The following CACNA1C variants were observed in gnomAD, a reference collection of about 807,000 sequenced individuals.
The protein encoded by CACNA1C is voltage-dependent L-type calcium channel subunit alpha-1C.
Under a neutral mutation model 229.0 loss-of-function variants are expected in CACNA1C, and 30 were observed. That is an observed-to-expected ratio of 0.13 (90% CI 0.10 to 0.18). The LOEUF is 0.18. Ranked by LOEUF, CACNA1C falls within the 10% of genes least tolerant of loss-of-function variation. CACNA1C has a pLI of 1.00. For missense variants in CACNA1C, 1,658 were observed against 2,845.0 expected (o/e 0.58, Z 9.49); for synonymous variants, 1,114 against 1,132.5 (o/e 0.98, Z 0.33).
At chr12:2,551,095 A>G (rs961483034) in intron 10 of CACNA1C, among the ~76,000 whole-genome samples, 1 of 152,222 alleles carries the variant, frequency 6.6e-6, no homozygotes, top group Non-Finnish European at 1.5e-5. Context: ...AGTAGGTCCC[A>G]AACAGCAACT....
intron 3 of CACNA1C, among the ~76,000 whole-genome samples, chr12:2,368,927 A>AT (rs1308427074): frequency 6.6e-6 from 1 of 152,358 alleles, no homozygotes; most frequent in East Asian, 1.9e-4. Flanking sequence ...GATGAACAGA[A>AT]TGGTGCGGGT....
At chr12:2,093,936 T>G (rs1017411368) in intron 1 of CACNA1C, among the ~76,000 whole-genome samples, 1 of 152,176 alleles carries the variant, frequency 6.6e-6, no homozygotes, top group East Asian at 1.9e-4. Flanking sequence ...GCATACTGAG[T>G]GCATAGAGCA....
At chr12:2,508,918 C>T (rs1465680226) in intron 8 of CACNA1C, among the ~76,000 whole-genome samples, 1 of 152,188 alleles carries the variant, frequency 6.6e-6, no homozygotes, top group African/African-American at 2.4e-5. Context: ...TCAGAAAGCT[C>T]AATCTCCAGT....
At chr12:2,163,795 C>T (rs1484949728) in intron 3 of CACNA1C, among the ~76,000 whole-genome samples, 4 of 152,060 alleles carry the variant, frequency 2.6e-5, no homozygotes, top group African/African-American at 7.2e-5. Context: ...GATGGCTCGG[C>T]GGGGTCACGG....
chr12:2,527,966 G>T (rs931483978), intron 9 of CACNA1C, among the ~76,000 whole-genome samples: 1 of 152,032 alleles, frequency 6.6e-6, no homozygotes, highest in African/African-American at 2.4e-5. Context: ...CCTCTTAGAT[G>T]GTATACAATC....
intron 31 of CACNA1C, among the ~76,000 whole-genome samples, chr12:2,650,405 G>A (rs1438403446): frequency 2.0e-5 from 3 of 152,210 alleles, no homozygotes; most frequent in Non-Finnish European, 2.9e-5. Flanking sequence ...AAAGCAAGGA[G>A]TGGGGAGGGC....
At chr12:2,123,979 C>T (rs181696271) in intron 3 of CACNA1C, among the ~76,000 whole-genome samples, 23 of 152,202 alleles carry the variant, frequency 1.5e-4, no homozygotes, top group Admixed American at 3.9e-4. Context: ...GTGCTGGATA[C>T]TATTGTTATT....
At chr12:2,242,363 G>A (rs553978397) in intron 3 of CACNA1C, among the ~76,000 whole-genome samples, 16 of 152,282 alleles carry the variant, frequency 1.1e-4, no homozygotes, top group African/African-American at 3.1e-4. Flanking sequence ...CTTGGCCTCC[G>A]TGCTGGAGGA....
At chr12:2,463,433 G>A (rs569534955) in intron 5 of CACNA1C, among the ~76,000 whole-genome samples, 206 of 152,286 alleles carry the variant, frequency 1.4e-3, no homozygotes, top group Non-Finnish European at 2.3e-3. Flanking sequence ...AGCTTGAAGT[G>A]TAGTAGAAGA....
At chr12:2,288,416 CT>C (rs1405446922) in intron 3 of CACNA1C, among the ~76,000 whole-genome samples, 2 of 152,188 alleles carry the variant, frequency 1.3e-5, no homozygotes, top group Non-Finnish European at 2.9e-5. Flanking sequence ...GTCAGTTGCC[CT>C]GAAATAGGTT....
chr12:2,483,778 C>G (rs544856544), intron 5 of CACNA1C, among the ~76,000 whole-genome samples: 1 of 152,074 alleles, frequency 6.6e-6, no homozygotes, highest in African/African-American at 2.4e-5. Context: ...GCATCTCTGA[C>G]AGCTGAAATG....
intron 3 of CACNA1C, among the ~76,000 whole-genome samples, chr12:2,192,422 C>T (rs909360016): frequency 2.0e-5 from 3 of 152,192 alleles, no homozygotes; most frequent in African/African-American, 7.2e-5. Flanking sequence ...CGTGGATTCC[C>T]GTGCCTGCGG....
At chr12:2,129,109 G>A (rs2091376489) in intron 3 of CACNA1C, among the ~76,000 whole-genome samples, 1 of 152,148 alleles carries the variant, frequency 6.6e-6, no homozygotes. Context: ...GGTGTTCCCG[G>A]GCTCACACCT....
intron 3 of CACNA1C, among the ~76,000 whole-genome samples, chr12:2,136,746 A>G (rs2093550116): frequency 6.6e-6 from 1 of 151,054 alleles, no homozygotes; most frequent in South Asian, 2.1e-4. Context: ...ATCTGCTACT[A>G]CCTGAGAGGT....
At chr12:2,112,915 A>G (rs1053202732) in intron 1 of CACNA1C, among the ~76,000 whole-genome samples, 6 of 152,232 alleles carry the variant, frequency 3.9e-5, no homozygotes, top group African/African-American at 1.4e-4. Flanking sequence ...TCCAGCAGAA[A>G]TGACAGCCCC....
intron 1 of CACNA1C, among the ~76,000 whole-genome samples, chr12:2,061,988 T>C (rs1403782580): frequency 6.6e-6 from 1 of 152,232 alleles, no homozygotes; most frequent in Non-Finnish European, 1.5e-5. Flanking sequence ...TTTAACATTA[T>C]AGTCTAAGTG....
rs538874044 is a variant in CACNA1C at position 2,575,136 on chromosome 12, C to G, written c.1896-6454C>G. Among the ~76,000 whole-genome samples, 19 of 152,290 alleles carry G rather than the reference C, an allele frequency of 1.2e-4. No homozygotes were observed. The highest frequency in any genetic ancestry group is 5.9e-4 in the Admixed American group (9 of 15,296). On this transcript the variant is annotated intron_variant, in intron 13 of 46. Coordinates refer to ENST00000399655, the MANE Select transcript of CACNA1C (RefSeq NM_000719.7). This position sits in a 1 kb window ranked among gnomAD's most constrained non-coding sequence, Gnocchi z 4.0. Reference sequence around the variant, plus strand: ...ATGCAGGTTCCGTTCTTAATGTGACCGAGACATCTGCTGCAAACAGAGAAG... The same window carrying G: ...ATGCAGGTTCCGTTCTTAATGTGACGGAGACATCTGCTGCAAACAGAGAAG...
intron 3 of CACNA1C, among the ~76,000 whole-genome samples, chr12:2,353,078 G>T (rs1175259640): frequency 1.3e-5 from 2 of 152,202 alleles, no homozygotes; most frequent in African/African-American, 4.8e-5. Context: ...TGTTCTGGGT[G>T]CTGGGGCGAG....
intron 5 of CACNA1C, among the ~76,000 whole-genome samples, chr12:2,483,099 T>C (rs2099682736): frequency 1.3e-5 from 2 of 152,250 alleles, no homozygotes; most frequent in South Asian, 2.1e-4. Flanking sequence ...GATAAGAAGA[T>C]GTGATGAGAC....
Sources: allele counts gnomAD v4.1 joint callset (sites outside exome capture counted in the v4.1 genomes callset), GRCh38; gene constraint gnomAD v4.1.1; non-coding constraint Gnocchi (gnomAD v3.1); transcripts MANE v1.5; gene names NCBI Gene and HGNC (gene_info 2026-07-23, HGNC 2026-07-21).